Variants in SLC44A1 observed in about 807,000 individuals in gnomAD.
The protein encoded by SLC44A1 is solute carrier family 44 member 1, also known as choline transporter-like protein 1.
Under a neutral mutation model 79.3 loss-of-function variants are expected in SLC44A1, and 26 were observed. The observed-to-expected ratio is 0.33, with a 90% CI of 0.24 to 0.46. SLC44A1 has a LOEUF of 0.46. Among genes scored for constraint, SLC44A1 ranks in the 20% least tolerant of loss-of-function variants. The pLI is 1.00. For synonymous variants in SLC44A1, 263 were observed against 286.2 expected, an observed-to-expected ratio of 0.92 and a Z score of 0.82; for missense variants, 688 against 798.1, an observed-to-expected ratio of 0.86 and a Z score of 1.66.
intron 1 of SLC44A1, among the ~76,000 whole-genome samples, chr9:105,260,986 C>T (rs964072504): frequency 6.6e-6 from 1 of 152,140 alleles, no homozygotes; most frequent in Non-Finnish European, 1.5e-5. Flanking sequence ...AGAGACTAAA[C>T]ATTTAGTTTG....
chr9:105,433,766 A>T (rs1164188852), intron 15 of SLC44A1, among the ~76,000 whole-genome samples: 1 of 152,166 alleles, frequency 6.6e-6, no homozygotes, highest in Admixed American at 6.6e-5. Context: ...AGATGCTCAC[A>T]CAGGGGGTTC....
chr9:105,359,435 C>T (rs1827717675), intron 7 of SLC44A1, among the ~76,000 whole-genome samples: 1 of 151,888 alleles, frequency 6.6e-6, no homozygotes, highest in Non-Finnish European at 1.5e-5. Context: ...AAAAGATTCC[C>T]CCAAAAGATC....
In SLC44A1 at chr9:105,435,617, TC is replaced by T. The variant is rs140941165; in HGVS notation, c.1951-2663del. ...TCAGTTAAGGCAGGAACTAGCTGTT[TC>T]TTTTTCTTTAGTGGTTCTCCTGTTG... On this transcript the variant is annotated intron_variant, in intron 15 of 15. Transcript: ENST00000374724. Among the ~76,000 whole-genome samples the T allele has an allele frequency of 3.7e-3, 561 of 152,330 alleles. 2 individuals carry two copies. Among genetic ancestry groups the T allele is most frequent in the Middle Eastern group, 6.8e-3 (2 of 294 alleles).
chr9:105,246,347 CCATCCTAT>C (rs1373085464), intron 1 of SLC44A1, among the ~76,000 whole-genome samples: 2 of 150,948 alleles, frequency 1.3e-5, no homozygotes, highest in Non-Finnish European at 2.9e-5. Context: ...TATTAGGTAT[CCATCCTAT>C]CATCCTATTC....
chr9:105,247,440 G>A (rs1348654435), intron 1 of SLC44A1, among the ~76,000 whole-genome samples: 1 of 152,138 alleles, frequency 6.6e-6, no homozygotes, highest in Non-Finnish European at 1.5e-5. Context: ...TGGGATTATA[G>A]GTATGCACCA....
At chr9:105,267,132 A>G (rs1829980323) in intron 1 of SLC44A1, among the ~76,000 whole-genome samples, 1 of 152,214 alleles carries the variant, frequency 6.6e-6, no homozygotes, top group Non-Finnish European at 1.5e-5. Context: ...TATGTCACAT[A>G]TGTAATAGTT....
intron 4 of SLC44A1, among the ~76,000 whole-genome samples, chr9:105,345,864 T>C (rs1827232359): frequency 6.6e-6 from 1 of 152,088 alleles, no homozygotes; most frequent in African/African-American, 2.4e-5. Context: ...TTAGATAAGC[T>C]TTTGTTCTTA....
intron 1 of SLC44A1, among the ~76,000 whole-genome samples, chr9:105,265,998 C>A (rs1025921157): frequency 1.3e-5 from 2 of 152,128 alleles, no homozygotes; most frequent in Non-Finnish European, 2.9e-5. Context: ...AACTCTGTCA[C>A]CCAGGCTGGA....
At chr9:105,432,920 A>G (rs1285044950) in intron 15 of SLC44A1, among the ~76,000 whole-genome samples, 2 of 152,210 alleles carry the variant, frequency 1.3e-5, no homozygotes, top group Admixed American at 1.3e-4. Flanking sequence ...ATTAAAAGAG[A>G]GAAAAGGCAA....
intron 3 of SLC44A1, among the ~76,000 whole-genome samples, chr9:105,315,116 G>C (rs1373373514): frequency 6.6e-6 from 1 of 152,040 alleles, no homozygotes; most frequent in Admixed American, 6.6e-5. Flanking sequence ...AGGGGAACTT[G>C]ACGAGTCCCC....
intron 1 of SLC44A1, among the ~76,000 whole-genome samples, chr9:105,255,428 C>T (rs1180801892): frequency 6.6e-6 from 1 of 152,088 alleles, no homozygotes; most frequent in Non-Finnish European, 1.5e-5. Context: ...AGTTAACATC[C>T]TTTATTTGGT....
At chr9:105,408,089 G>A (rs978250531) in intron 15 of SLC44A1, among the ~76,000 whole-genome samples, 2 of 152,044 alleles carry the variant, frequency 1.3e-5, no homozygotes, top group Non-Finnish European at 2.9e-5. Flanking sequence ...GGGAGGCGGA[G>A]GCTGCTGTGA....
intron 5 of SLC44A1, among the ~76,000 whole-genome samples, chr9:105,350,471 ATG>A (rs2131384373): frequency 6.6e-6 from 1 of 152,208 alleles, no homozygotes; most frequent in South Asian, 2.1e-4. Flanking sequence ...AGTAGGGACT[ATG>A]TTTTTGGTGA....
chr9:105,389,091 C>T lies in SLC44A1; in HGVS notation c.*35C>T, dbSNP rs1828700281. 6.2e-7 allele frequency: 1 copy of T among 1,611,816 alleles called. No homozygotes were observed. The highest frequency in any genetic ancestry group is 1.3e-5 in the African/African-American group (1 of 74,840). ...ACGGTTATGGAAACCCATTGACATTCCAAAACAATATATACACATAACTAT... is the reference window on the plus strand; with the variant it reads ...ACGGTTATGGAAACCCATTGACATTTCAAAACAATATATACACATAACTAT... On this transcript the variant is annotated 3_prime_UTR_variant, in exon 16 of 16. Coordinates refer to ENST00000374720, the MANE Select transcript of SLC44A1 (RefSeq NM_080546.5).
downstream of SLC44A1, among the ~76,000 whole-genome samples, chr9:105,402,110 C>A (rs1189761699): frequency 6.6e-6 from 1 of 152,112 alleles, no homozygotes; most frequent in Non-Finnish European, 1.5e-5. Flanking sequence ...TGCGTTTGCA[C>A]CAAGAGGTGA....
chr9:105,247,987 A>G (rs561946733), intron 1 of SLC44A1, among the ~76,000 whole-genome samples: 3 of 152,298 alleles, frequency 2.0e-5, no homozygotes, highest in East Asian at 3.9e-4. Flanking sequence ...AAATTGTTCA[A>G]GGTTTTCCTT....
chr9:105,401,961 G>A (rs1034593200), downstream of SLC44A1, among the ~76,000 whole-genome samples: 4 of 152,202 alleles, frequency 2.6e-5, no homozygotes, highest in African/African-American at 9.6e-5. Flanking sequence ...TGTCTCAGCT[G>A]AGTCTTGAAG....
chr9:105,245,514 C>CA (rs1829417030), intron 1 of SLC44A1, among the ~76,000 whole-genome samples: 1 of 152,214 alleles, frequency 6.6e-6, no homozygotes, highest in Non-Finnish European at 1.5e-5. Context: ...TGCTCGCTTG[C>CA]ACCCCATCCC....
chr9:105,390,228 G>A lies in SLC44A1; in HGVS notation c.*1172G>A. 1 of 1,104,918 alleles carries A rather than the reference G, an allele frequency of 9.1e-7. No homozygotes were observed. The highest frequency in any genetic ancestry group is 1.1e-6 in the Non-Finnish European group (1 of 907,494). The allele number at this position is 1,104,918 out of a possible 1,614,324, so 68.4% of individuals were successfully genotyped here. On this transcript the variant is annotated 3_prime_UTR_variant, in exon 16 of 16. Transcript: ENST00000374720. ...TCCTGAAGCTTACCAGATATGAATGGCTAATACTCCATTGTTCTGCTTGTT... is the reference window on the plus strand; with the variant it reads ...TCCTGAAGCTTACCAGATATGAATGACTAATACTCCATTGTTCTGCTTGTT...
Sources: gnomAD v4.1 joint callset for allele counts (sites outside exome capture counted in the v4.1 genomes callset) on GRCh38, gnomAD v4.1.1 for gene constraint, MANE v1.5 for transcripts, NCBI Gene and HGNC (gene_info 2026-07-23, HGNC 2026-07-21) for gene names.